The following PRKN variants were observed in gnomAD, a reference collection of about 807,000 sequenced individuals.
PRKN encodes the protein E3 ubiquitin-protein ligase parkin.
PRKN carries 56 observed loss-of-function variants against 59.5 expected under a neutral mutation model. The ratio of observed to expected loss-of-function variants is 0.94; its 90% CI spans 0.76 to 1.18. The LOEUF is 1.18. Ranked by LOEUF, PRKN falls within the 50% of genes most tolerant of loss-of-function variation. The pLI is 0.00. For missense variants in PRKN, 657 were observed against 596.4 expected (o/e 1.10, Z -1.06); for synonymous variants, 250 against 222.1 (o/e 1.13, Z -1.12).
At chr6:161,648,228 T>C (rs1784027799) in intron 7 of PRKN, among the ~76,000 whole-genome samples, 1 of 152,176 alleles carries the variant, frequency 6.6e-6, no homozygotes, top group Non-Finnish European at 1.5e-5. Context: ...AGATATGGAT[T>C]GTACAGAAAT....
At chr6:162,134,369 C>A (rs528002494) in intron 4 of PRKN, among the ~76,000 whole-genome samples, 2 of 152,158 alleles carry the variant, frequency 1.3e-5, no homozygotes, top group African/African-American at 4.8e-5. Flanking sequence ...GTTGAAAAAC[C>A]TTGCTTTCCT....
intron 2 of PRKN, among the ~76,000 whole-genome samples, chr6:162,438,512 A>AT (rs35761365): frequency 0.38 from 58,195 of 151,758 alleles, 12,236 homozygotes; most frequent in African/African-American, 0.57. Flanking sequence ...TAAAAAAAAA[A>AT]GTATTGATTT....
intron 1 of PRKN, among the ~76,000 whole-genome samples, chr6:162,524,560 T>C (rs62429615): frequency 6.6e-6 from 1 of 152,220 alleles, no homozygotes; most frequent in African/African-American, 2.4e-5. Flanking sequence ...TATTCATCCA[T>C]AATTCTCTTC....
At chr6:162,225,083 C>T (rs763931818) in intron 3 of PRKN, among the ~76,000 whole-genome samples, 6 of 152,082 alleles carry the variant, frequency 3.9e-5, no homozygotes, top group African/African-American at 9.7e-5. Context: ...ATTGGGCAGC[C>T]CTGTCTGGGC....
intron 10 of PRKN, among the ~76,000 whole-genome samples, chr6:161,383,074 G>A (rs1372500773): frequency 2.0e-5 from 3 of 152,162 alleles, no homozygotes; most frequent in African/African-American, 7.2e-5. Flanking sequence ...TAAAGCCTTC[G>A]GTTCCAAGGG....
At chr6:162,715,750 T>A (rs138751568) in intron 1 of PRKN, among the ~76,000 whole-genome samples, 193 of 152,278 alleles carry the variant, frequency 1.3e-3, no homozygotes, top group Admixed American at 4.2e-3. Flanking sequence ...CACCCTAATC[T>A]ATCATCACCT....
intron 3 of PRKN, among the ~76,000 whole-genome samples, chr6:162,221,900 C>T (rs1431436842): frequency 6.6e-6 from 1 of 152,072 alleles, no homozygotes; most frequent in African/African-American, 2.4e-5. Flanking sequence ...ATCAACAGAA[C>T]ATTAAAGGTA....
chr6:162,223,288 T>C (rs1360307075), intron 3 of PRKN, among the ~76,000 whole-genome samples: 1 of 152,044 alleles, frequency 6.6e-6, no homozygotes. Context: ...TTCCAAGTCT[T>C]TGATATTGTG....
intron 1 of PRKN, among the ~76,000 whole-genome samples, chr6:162,708,482 G>A (rs1486535635): frequency 2.0e-5 from 3 of 152,182 alleles, no homozygotes; most frequent in African/African-American, 7.2e-5. Context: ...AACTGGAAAT[G>A]GGCAGGAAAG....
chr6:161,961,776 T>C (rs1213256158), intron 6 of PRKN, among the ~76,000 whole-genome samples: 1 of 152,136 alleles, frequency 6.6e-6, no homozygotes, highest in African/African-American at 2.4e-5. Flanking sequence ...ATCTGTTGAA[T>C]GAACAGACTA....
At chr6:161,506,762 T>C (rs481910) in intron 9 of PRKN, among the ~76,000 whole-genome samples, 108,858 of 152,066 alleles carry the variant, frequency 0.72, 39,297 homozygotes, top group Middle Eastern at 0.81. Flanking sequence ...TGATTTATTA[T>C]ACATTTAATT....
At chr6:161,486,160 G>GT (rs1173500300) in intron 9 of PRKN, among the ~76,000 whole-genome samples, 1 of 152,082 alleles carries the variant, frequency 6.6e-6, no homozygotes, top group East Asian at 1.9e-4. Flanking sequence ...ATGTAATCAT[G>GT]TATTATTTCG....
At chr6:161,608,455 T>C (rs1782365965) in intron 7 of PRKN, among the ~76,000 whole-genome samples, 1 of 152,172 alleles carries the variant, frequency 6.6e-6, no homozygotes, top group Non-Finnish European at 1.5e-5. Context: ...TAAACCTTCA[T>C]TGATCTTTCA....
chr6:161,772,452 C>T (rs1294113999), intron 7 of PRKN, among the ~76,000 whole-genome samples: 2 of 152,146 alleles, frequency 1.3e-5, no homozygotes, highest in African/African-American at 2.4e-5. Context: ...TGATTCTCAG[C>T]AATCGACATG....
intron 9 of PRKN, among the ~76,000 whole-genome samples, chr6:161,433,303 G>A (rs7758262): frequency 1.3e-5 from 2 of 152,130 alleles, no homozygotes; most frequent in Non-Finnish European, 2.9e-5. Context: ...CAGTAAGTTG[G>A]ATGTTCCCAT....
At chr6:161,808,844 T>C (rs1791443926) in intron 6 of PRKN, among the ~76,000 whole-genome samples, 1 of 152,136 alleles carries the variant, frequency 6.6e-6, no homozygotes, top group South Asian at 2.1e-4. Context: ...TTCTGTTTTG[T>C]TTTGTTTTGT....
At chr6:161,754,539 C>A (rs768268520) in intron 7 of PRKN, among the ~76,000 whole-genome samples, 8 of 151,976 alleles carry the variant, frequency 5.3e-5, no homozygotes, top group Non-Finnish European at 8.8e-5. Context: ...GAGAAGACAG[C>A]GGAATTGAAG....
At chr6:161,789,022 A>C (rs979703814) in intron 6 of PRKN, among the ~76,000 whole-genome samples, 1 of 152,212 alleles carries the variant, frequency 6.6e-6, no homozygotes, top group African/African-American at 2.4e-5. Flanking sequence ...TAATGTTATA[A>C]AGACGGTGTA....
At chr6:162,278,558 A>T (rs1327196853) in intron 2 of PRKN, among the ~76,000 whole-genome samples, 1 of 152,126 alleles carries the variant, frequency 6.6e-6, no homozygotes, top group Non-Finnish European at 1.5e-5. Context: ...GATGGGAAAT[A>T]CCTTCCTCTC....
Sources: gnomAD v4.1 joint callset for allele counts (sites outside exome capture counted in the v4.1 genomes callset) on GRCh38, gnomAD v4.1.1 for gene constraint, MANE v1.5 for transcripts, NCBI Gene and HGNC (gene_info 2026-07-23, HGNC 2026-07-21) for gene names.